The following RUNX1T1 variants were observed in gnomAD, a reference collection of about 807,000 sequenced individuals.
The protein encoded by RUNX1T1 is protein CBFA2T1.
RUNX1T1 carries 4 observed loss-of-function variants against 62.8 expected under a neutral mutation model. The ratio of observed to expected loss-of-function variants is 0.06; its 90% CI spans 0.03 to 0.15. RUNX1T1 has a LOEUF of 0.15. Ranked by LOEUF, RUNX1T1 falls within the 10% of genes least tolerant of loss-of-function variation. The pLI, the probability that RUNX1T1 is intolerant of heterozygous loss-of-function variation, is 1.00. For missense variants in RUNX1T1, 508 were observed against 754.3 expected, an observed-to-expected ratio of 0.67 and a Z score of 3.82; for synonymous variants, 291 against 286.0, an observed-to-expected ratio of 1.02 and a Z score of -0.18.
intron 4 of RUNX1T1, chr8:92,009,994 C>T (rs1027169929): frequency 6.6e-6 from 1 of 152,170 alleles, no homozygotes; most frequent in Non-Finnish European, 1.5e-5. Context: ...AATTGGGGCT[C>T]ATTTCAGACA....
At chr8:91,961,562 T>TA (rs1157374917) in intron 10 of RUNX1T1, among the ~76,000 whole-genome samples, 1 of 152,128 alleles carries the variant, frequency 6.6e-6, no homozygotes, top group Admixed American at 6.5e-5. Flanking sequence ...CATCACGAAT[T>TA]AGAGCACAAA....
At chr8:92,083,734 C>CA (rs1179304357) in intron 1 of RUNX1T1, among the ~76,000 whole-genome samples, 1 of 152,188 alleles carries the variant, frequency 6.6e-6, no homozygotes, top group Non-Finnish European at 1.5e-5. Context: ...TTTGACCCAG[C>CA]AATCCCATTG....
chr8:92,061,899 C>T (rs1388004838), intron 1 of RUNX1T1, among the ~76,000 whole-genome samples: 1 of 152,158 alleles, frequency 6.6e-6, no homozygotes, highest in Non-Finnish European at 1.5e-5. Context: ...TCACTGGCAA[C>T]GATCACAGAA....
chr8:92,037,366 T>C (rs1243700896), intron 1 of RUNX1T1, among the ~76,000 whole-genome samples: 1 of 152,192 alleles, frequency 6.6e-6, no homozygotes, highest in Admixed American at 6.5e-5. Context: ...CAGTCAATAT[T>C]TTTTTAAAAA....
At chr8:92,013,103 C>T (rs1822299656) in intron 3 of RUNX1T1, among the ~76,000 whole-genome samples, 1 of 151,890 alleles carries the variant, frequency 6.6e-6, no homozygotes, top group Non-Finnish European at 1.5e-5. Flanking sequence ...ACACATTCAC[C>T]ATTTACTTGA....
At chr8:92,074,781 C>T (rs558854230) in intron 2 of RUNX1T1, among the ~76,000 whole-genome samples, 4 of 152,242 alleles carry the variant, frequency 2.6e-5, no homozygotes, top group African/African-American at 9.6e-5. Context: ...AATTGAACTC[C>T]TTGCCTTCTC....
intron 1 of RUNX1T1, among the ~76,000 whole-genome samples, chr8:92,028,281 C>G (rs1825636214): frequency 6.6e-6 from 1 of 150,408 alleles, no homozygotes; most frequent in African/African-American, 2.5e-5. Flanking sequence ...TTCAATAGAG[C>G]AAATGGTGGT....
At chr8:91,968,916 A>G (rs2130586090) in intron 10 of RUNX1T1, among the ~76,000 whole-genome samples, 1 of 152,296 alleles carries the variant, frequency 6.6e-6, no homozygotes, top group Non-Finnish European at 1.5e-5. Context: ...TGGTTTTCTC[A>G]AAAATCAAAG....
chr8:92,001,136 G>C (rs929393606), intron 5 of RUNX1T1, among the ~76,000 whole-genome samples: 3 of 151,928 alleles, frequency 2.0e-5, no homozygotes, highest in African/African-American at 7.3e-5. Context: ...GACCAGCCTG[G>C]GCAACATAGC....
intron 1 of RUNX1T1, among the ~76,000 whole-genome samples, chr8:92,024,016 A>T (rs546182222): frequency 6.6e-5 from 10 of 152,300 alleles, no homozygotes; most frequent in Admixed American, 1.3e-4. Context: ...AAGCAAAGAG[A>T]AGTAATGAGA....
chr8:92,095,518 T>G, intron 1 of RUNX1T1: 2 of 1,501,754 alleles, frequency 1.3e-6, no homozygotes, highest in East Asian at 2.5e-5. Context: ...GAAGCCAACG[T>G]GCATCAGGGT....
intron 1 of RUNX1T1, chr8:92,062,461 G>C (rs1832201472): frequency 2.1e-6 from 3 of 1,426,182 alleles, no homozygotes; most frequent in East Asian, 4.5e-5. Context: ...ACACGCTGTG[G>C]GGCAGAAGGT....
chr8:91,970,039 T>TGC (rs1812468977), intron 10 of RUNX1T1, among the ~76,000 whole-genome samples: 1 of 56,286 alleles, frequency 1.8e-5, no homozygotes, highest in African/African-American at 6.3e-5. Flanking sequence ...TGTGTGTGTG[T>TGC]GTGTTGTGTG....
chr8:92,075,863 GA>G, intron 2 of RUNX1T1, 101 bp downstream of exon 2: 1 of 1,136,138 alleles, frequency 8.8e-7, no homozygotes, highest in Non-Finnish European at 1.2e-6. Flanking sequence ...GAAGAAGGAA[GA>G]AAAAAGAAAA....
chr8:91,971,177 T>C (rs1333090657), intron 9 of RUNX1T1: 1 of 220,786 alleles, frequency 4.5e-6, no homozygotes, highest in Non-Finnish European at 8.8e-6. Context: ...AATGTTTCTT[T>C]AACTTGAATT....
chr8:92,071,494 A>C (rs1207550186), intron 2 of RUNX1T1: 1 of 145,906 alleles, frequency 6.9e-6, no homozygotes, highest in Middle Eastern at 3.4e-3. Context: ...CCAAATTCTT[A>C]GATCTTTTTT....
At chr8:92,025,907 A>G (rs1352410050) in intron 1 of RUNX1T1, among the ~76,000 whole-genome samples, 1 of 152,238 alleles carries the variant, frequency 6.6e-6, no homozygotes, top group East Asian at 1.9e-4. Flanking sequence ...CAGTAACCAC[A>G]TATTTCCTGA....
intron 9 of RUNX1T1, among the ~76,000 whole-genome samples, chr8:91,973,030 G>A (rs1813176381): frequency 6.6e-6 from 1 of 151,910 alleles, no homozygotes; most frequent in African/African-American, 2.4e-5. Context: ...TTAAAAATGT[G>A]TGTTGTTATG....
At chr8:91,986,684 A>G (rs1252391142) in intron 7 of RUNX1T1, among the ~76,000 whole-genome samples, 1 of 152,218 alleles carries the variant, frequency 6.6e-6, no homozygotes, top group Non-Finnish European at 1.5e-5. Flanking sequence ...TCCAAGATCT[A>G]AACATTTCTC....
Sources: allele counts gnomAD v4.1 joint callset (sites outside exome capture counted in the v4.1 genomes callset), GRCh38; gene constraint gnomAD v4.1.1; transcripts MANE v1.5; gene names NCBI Gene and HGNC (gene_info 2026-07-23, HGNC 2026-07-21).